TLN2: variants seen among roughly 807,000 people sequenced by gnomAD.
TLN2 encodes the protein talin-2.
Under a neutral mutation model 294.7 loss-of-function variants are expected in TLN2, and 118 were observed. That is an observed-to-expected ratio of 0.40 (90% CI 0.34 to 0.47). The LOEUF (loss-of-function observed/expected upper bound fraction) is 0.47. Among genes scored for constraint, TLN2 ranks in the 20% least tolerant of loss-of-function variants. The probability of loss-of-function intolerance (pLI) is 0.84; values close to 1 mark genes in which losing one functional copy is unlikely to be tolerated. For missense variants in TLN2, 3,083 were observed against 3,282.2 expected (o/e 0.94, Z 1.48); for synonymous variants, 1,431 against 1,304.5 (o/e 1.10, Z -2.09).
chr15:62,731,033 T>G (rs1457200389), intron 28 of TLN2, among the ~76,000 whole-genome samples: 4 of 152,200 alleles, frequency 2.6e-5, no homozygotes, highest in African/African-American at 7.2e-5. Flanking sequence ...TGATCTATCT[T>G]CCAGTTCACT....
At chr15:62,711,210 T>A (rs1175119701) in intron 21 of TLN2, among the ~76,000 whole-genome samples, 2 of 152,228 alleles carry the variant, frequency 1.3e-5, no homozygotes, top group African/African-American at 2.4e-5. Context: ...TTCTATTTTT[T>A]AATGTTGGTT....
Position 62,776,907 on chromosome 15 carries a change from C to A in TLN2, c.5511C>A (p.Ser1837Arg). 2 of 1,569,322 alleles carry A rather than the reference C, an allele frequency of 1.3e-6. No homozygotes were observed. The highest frequency in any genetic ancestry group is 2.3e-5 in the South Asian group (2 of 85,206). Residue 1837 changes from serine to arginine, a missense_variant, in exon 43 of 59, where the codon AGC (serine) becomes AGA (arginine). Physicochemically the swap from Ser to Arg is moderately radical, Grantham distance 110. Coordinates refer to ENST00000636159, the MANE Select transcript of TLN2 (RefSeq NM_015059.3). ...TGGACGCCATTGCAGAAGCCATGAG[C>A]AAGGTGGGCATGGGCTCTAGGGCTC... ...GMVDAIAEAM[S>R]KLDEGTPPEP...
chr15:62,465,598 C>T (rs1242959013), intron 1 of TLN2, among the ~76,000 whole-genome samples: 1 of 152,128 alleles, frequency 6.6e-6, no homozygotes, highest in East Asian at 1.9e-4. Flanking sequence ...ACAGCTGGAG[C>T]CAATGGAGAA....
chr15:62,515,879 G>C (rs2040165292), intron 1 of TLN2, among the ~76,000 whole-genome samples: 1 of 152,132 alleles, frequency 6.6e-6, no homozygotes, highest in African/African-American at 2.4e-5. Flanking sequence ...ATGTGTGCTG[G>C]GCTTGCCCCA....
intron 45 of TLN2, among the ~76,000 whole-genome samples, chr15:62,791,416 G>C (rs1465128112): frequency 6.6e-6 from 1 of 152,140 alleles, no homozygotes; most frequent in Non-Finnish European, 1.5e-5. Context: ...TGTCGATCAC[G>C]AGAATATTCT....
At chr15:62,663,891 A>C (rs1017609135) in intron 9 of TLN2, among the ~76,000 whole-genome samples, 6 of 152,016 alleles carry the variant, frequency 3.9e-5, no homozygotes, top group Admixed American at 1.3e-4. Flanking sequence ...TTACATAATA[A>C]TGAGAAAACT....
intron 1 of TLN2, among the ~76,000 whole-genome samples, chr15:62,411,383 A>G (rs1252402955): frequency 6.6e-6 from 1 of 151,162 alleles, no homozygotes; most frequent in African/African-American, 2.4e-5. Context: ...GCTCCTGGGC[A>G]CATGGTAATT....
intron 1 of TLN2, among the ~76,000 whole-genome samples, chr15:62,587,174 G>C (rs375877994): frequency 3.3e-5 from 5 of 152,306 alleles, no homozygotes; most frequent in African/African-American, 1.2e-4. Flanking sequence ...TGTTCACTAA[G>C]AGCACATGTG....
Position 62,713,929 on chromosome 15 carries a change from A to ATATATATATATGC in TLN2, c.2634+1853_2634+1854insATATATATATGCT, listed in dbSNP as rs368958929. ...ATATATATATATGCTGTGTGTGTGT[A>ATATATATATATGC]TGTGTGTGTGTGTATGTATGTATTG... On this transcript the variant is annotated intron_variant, in intron 22 of 58. Coordinates refer to ENST00000636159, the MANE Select transcript of TLN2 (RefSeq NM_015059.3). 8.5e-3 allele frequency among the ~76,000 whole-genome samples: 1,065 copies of ATATATATATATGC among 124,678 alleles called. 28 individuals are homozygous for ATATATATATATGC. Among genetic ancestry groups the ATATATATATATGC allele is most frequent in the Non-Finnish European group, 0.015 (828 of 55,406 alleles). 81.8% of individuals were successfully genotyped at this position (124,678 alleles called of 152,430 possible).
At chr15:62,737,538 G>A (rs993164241) in intron 29 of TLN2, among the ~76,000 whole-genome samples, 1 of 152,250 alleles carries the variant, frequency 6.6e-6, no homozygotes, top group Non-Finnish European at 1.5e-5. Flanking sequence ...GAGCATCCAG[G>A]CAGAGTCCTG....
At chr15:62,673,115 A>G (rs1327005540) in intron 9 of TLN2, among the ~76,000 whole-genome samples, 2 of 68,942 alleles carry the variant, frequency 2.9e-5, no homozygotes, top group Non-Finnish European at 7.4e-5. Flanking sequence ...TATAGACAGG[A>G]GGGAAAGTGG....
At chr15:62,563,405 G>A (rs886901553) in intron 1 of TLN2, among the ~76,000 whole-genome samples, 5 of 152,096 alleles carry the variant, frequency 3.3e-5, no homozygotes, top group Non-Finnish European at 5.9e-5. Flanking sequence ...TTTGAAAATT[G>A]TCTATTCATG....
At chr15:62,567,276 C>G (rs2043480751) in intron 1 of TLN2, among the ~76,000 whole-genome samples, 1 of 152,222 alleles carries the variant, frequency 6.6e-6, no homozygotes, top group African/African-American at 2.4e-5. Flanking sequence ...GAAAGCATTT[C>G]TGCACCTGAG....
chr15:62,495,784 C>T (rs942750569), intron 1 of TLN2, among the ~76,000 whole-genome samples: 1 of 152,084 alleles, frequency 6.6e-6, no homozygotes. Flanking sequence ...CCACTTGATC[C>T]CTTTTATTAA....
At position 62,840,487 on chromosome 15, in the gene TLN2, C is replaced by T. The variant is rs779217995; in HGVS notation, c.7506C>T (p.Ile2502=). ...GCTTGTTGCTTTCTTTCTAGATCAT[C>T]GCCGCCCAGGAAGAAATGCTAAAGA... ...TKFVGGIAQI[I]AAQEEMLKKE... The change falls in exon 59 of 59, where the codon ATC becomes ATT. Residue 2502 remains isoleucine (I), a synonymous_variant. Transcript: ENST00000636159. 6.0e-5 allele frequency: 97 copies of T among 1,613,896 alleles called. No individual in the cohort carries two copies. The highest frequency in any genetic ancestry group is 3.8e-4 in the East Asian group (17 of 44,888).
intron 24 of TLN2, 109 bp from the exon 25 acceptor site, chr15:62,719,658 C>A: frequency 1.2e-6 from 1 of 801,172 alleles, no homozygotes; most frequent in Non-Finnish European, 1.9e-6. Flanking sequence ...GGCTGGCGTC[C>A]CCTGGGAGTA....
intron 42 of TLN2, among the ~76,000 whole-genome samples, chr15:62,771,732 G>T (rs2063361214): frequency 6.6e-6 from 1 of 152,174 alleles, no homozygotes; most frequent in South Asian, 2.1e-4. Context: ...ATTTCTTCAG[G>T]AATAGTGAGT....
chr15:62,804,930 C>T (rs143882102), intron 50 of TLN2, among the ~76,000 whole-genome samples: 1 of 152,156 alleles, frequency 6.6e-6, no homozygotes, highest in East Asian at 1.9e-4. Flanking sequence ...TGTTAGAGAG[C>T]CAGAACAGAT....
chr15:62,466,825 T>G (rs948840470), intron 1 of TLN2, among the ~76,000 whole-genome samples: 2 of 152,218 alleles, frequency 1.3e-5, no homozygotes. Context: ...AGATTTGGGA[T>G]GCTGATGACA....
Sources: allele counts gnomAD v4.1 joint callset (sites outside exome capture counted in the v4.1 genomes callset), GRCh38; gene constraint gnomAD v4.1.1; transcripts MANE v1.5; gene names NCBI Gene and HGNC (gene_info 2026-07-23, HGNC 2026-07-21).